The following SLC25A23 variants were observed in gnomAD, a reference collection of about 807,000 sequenced individuals.
SLC25A23 encodes the protein solute carrier family 25 member 23.
In SLC25A23, 32 loss-of-function variants were observed where a neutral mutation model predicts 53.9. That is an observed-to-expected ratio of 0.59 (90% CI 0.45 to 0.80). SLC25A23 has a LOEUF of 0.80. Among genes scored for constraint, SLC25A23 ranks in the 30% least tolerant of loss-of-function variants. SLC25A23 has a pLI of 0.00. For missense variants in SLC25A23, 575 were observed against 651.4 expected (o/e 0.88, Z 1.28); for synonymous variants, 275 against 264.5 (o/e 1.04, Z -0.38).
At position 6,459,792 on chromosome 19, in the gene SLC25A23, C is replaced by T; in HGVS notation, c.-164G>A. 1 of 506,100 alleles carries T rather than the reference C, an allele frequency of 2.0e-6. No homozygotes were observed. The highest frequency in any genetic ancestry group is 2.9e-6 in the Non-Finnish European group (1 of 342,158). 31.4% of individuals were successfully genotyped at this position (506,100 alleles called of 1,614,324 possible). On this transcript the variant is annotated 5_prime_UTR_variant, in exon 1 of 10. Transcript: ENST00000301454. The surrounding 1 kb of genome is among the most constrained non-coding windows in gnomAD (Gnocchi z 4.6). ...CTCTGGCACTTGCGGGAGGTGGTGA[C>T]GGCTAGCCGTCGCCGCCCGCGCCAG...
intron 4 of SLC25A23, chr19:6,456,063 T>C (rs1355445241): frequency 3.0e-6 from 4 of 1,339,680 alleles, no homozygotes; most frequent in South Asian, 2.5e-5. Context: ...TAGAATCTTT[T>C]ATCCAGGCAG....
chr19:6,459,732 C>T lies in SLC25A23; in HGVS notation c.-104G>A. On this transcript the variant is annotated 5_prime_UTR_variant, in exon 1 of 10. Coordinates refer to ENST00000301454, the MANE Select transcript of SLC25A23 (RefSeq NM_024103.3). The surrounding 1 kb of genome is among the most constrained non-coding windows in gnomAD (Gnocchi z 4.6). Reference sequence around the variant, plus strand: ...GACCCCGCAGGGTCAGCTCCCGCGGCCGCCGGCTCCGCAGCCTCCGCGCAG... The same window carrying T: ...GACCCCGCAGGGTCAGCTCCCGCGGTCGCCGGCTCCGCAGCCTCCGCGCAG... The T allele has an allele frequency of 1.0e-6, 1 of 978,722 alleles. No individual in the cohort carries two copies. The highest frequency in any genetic ancestry group is 1.3e-6 in the Non-Finnish European group (1 of 767,474). The allele number at this position is 978,722 out of a possible 1,614,324, so 60.6% of individuals were successfully genotyped here. A position where few individuals can be genotyped will look rare whatever the true frequency, so the allele number is the denominator to read the frequency against.
At chr19:6,449,570 A>G (rs949231931) in intron 8 of SLC25A23, among the ~76,000 whole-genome samples, 2 of 151,992 alleles carry the variant, frequency 1.3e-5, no homozygotes, top group African/African-American at 4.8e-5. Flanking sequence ...GCCCGCCACC[A>G]TGCCTGGCTA....
Position 6,459,374 on chromosome 19 carries a change from C to T in SLC25A23, c.156+99G>A. ...AGACACAGGTTCTGGAGTCCAGCCACAGGTAGTCCCTGGTGGCTCCGGCCG... is the reference window on the plus strand; with the variant it reads ...AGACACAGGTTCTGGAGTCCAGCCATAGGTAGTCCCTGGTGGCTCCGGCCG... On this transcript the variant is annotated intron_variant, in intron 1 of 9. Transcript: ENST00000301454. This position sits in a 1 kb window ranked among gnomAD's most constrained non-coding sequence, Gnocchi z 4.6. 1 of 1,044,084 alleles carries T rather than the reference C, an allele frequency of 9.6e-7. No homozygotes were observed. The highest frequency in any genetic ancestry group is 1.3e-6 in the Non-Finnish European group (1 of 756,974). 64.7% of individuals were successfully genotyped at this position (1,044,084 alleles called of 1,614,324 possible).
rs60420597 is a variant in SLC25A23, at chr19:6,449,418, A to AT, written c.1071+2893dup. Among the ~76,000 whole-genome samples the AT allele has an allele frequency of 3.9e-3, 536 of 135,952 alleles. 2 individuals carry two copies. The highest frequency in any genetic ancestry group is 8.3e-3 in the African/African-American group (311 of 37,498). 89.2% of individuals were successfully genotyped at this position (135,952 alleles called of 152,430 possible). A position where few individuals can be genotyped will look rare whatever the true frequency, so the allele number is the denominator to read the frequency against. ...CAGGTGTGCACCACCACACCTGGCTATTTTTTTTTTTTTTGAGACAGAGTC... is the reference window on the plus strand; with the variant it reads ...CAGGTGTGCACCACCACACCTGGCTATTTTTTTTTTTTTTTGAGACAGAGTC... On this transcript the variant is annotated intron_variant, in intron 8 of 9. Coordinates refer to ENST00000301454, the MANE Select transcript of SLC25A23 (RefSeq NM_024103.3).
chr19:6,451,367 C>T (rs909709140), intron 8 of SLC25A23, among the ~76,000 whole-genome samples: 16 of 151,996 alleles, frequency 1.1e-4, no homozygotes, highest in African/African-American at 3.4e-4. Context: ...CCAGCCTGGG[C>T]GACAAGAGCG....
chr19:6,438,024 G>A (rs111639246), downstream of SLC25A23, among the ~76,000 whole-genome samples: 581 of 142,756 alleles, frequency 4.1e-3, 3 homozygotes, highest in Non-Finnish European at 4.1e-3. Flanking sequence ...GCAGTGAGCC[G>A]AGATCGTGCC....
Position 6,452,325 on chromosome 19 carries a change from A to C in SLC25A23, c.1058T>G (p.Leu353Arg), listed in dbSNP as rs1798904010. 6.2e-7 allele frequency: 1 copy of C among 1,612,504 alleles called. No individual in the cohort carries two copies. Among genetic ancestry groups the C allele is most frequent in the Non-Finnish European group, 8.5e-7 (1 of 1,179,386 alleles). Reference protein sequence around the residue: ...LGIIPYAGIDLAVYETLKNWW... With the variant: ...LGIIPYAGIDRAVYETLKNWW... ...CTGCCCACAGACCTCGTAGACGGCC[A>C]GGTCGATGCCCGCATAGGGGATGAT... Residue 353 changes from leucine (L) to arginine (R), a missense_variant, in exon 8 of 10, where the codon CTG (leucine) becomes CGG (arginine). Physicochemically the swap from Leu to Arg is moderately radical, Grantham distance 102 (BLOSUM62 -2). Transcript: ENST00000301454.
chr19:6,446,893 T>C (rs2092512869), intron 8 of SLC25A23, among the ~76,000 whole-genome samples: 1 of 152,038 alleles, frequency 6.6e-6, no homozygotes, highest in Non-Finnish European at 1.5e-5. Flanking sequence ...ATGACTGGTG[T>C]CCGTAGAGGA....
At chr19:6,446,955 A>G (rs1247884402) in intron 8 of SLC25A23, among the ~76,000 whole-genome samples, 1 of 152,094 alleles carries the variant, frequency 6.6e-6, no homozygotes, top group Non-Finnish European at 1.5e-5. Flanking sequence ...GCGGAGGCAG[A>G]GATTTGAGTG....
chr19:6,436,186 T>A, downstream of SLC25A23: 1 of 264,908 alleles, frequency 3.8e-6, no homozygotes, highest in Admixed American at 4.1e-5. Flanking sequence ...CTCACCCATA[T>A]TCTGAGCATT....
At chr19:6,443,401 T>G (rs2092453343) in intron 9 of SLC25A23, among the ~76,000 whole-genome samples, 1 of 152,166 alleles carries the variant, frequency 6.6e-6, no homozygotes. Context: ...TATTTCTTCA[T>G]TTTTTAAAAA....
chr19:6,458,948 G>C (rs1211418617), intron 1 of SLC25A23, among the ~76,000 whole-genome samples: 6 of 152,332 alleles, frequency 3.9e-5, no homozygotes, highest in East Asian at 1.9e-4. Context: ...CTTGTTATAG[G>C]TGCATTCCCA....
chr19:6,456,238 T>C, intron 4 of SLC25A23, 182 bp downstream of exon 4: 1 of 976,264 alleles, frequency 1.0e-6, no homozygotes, highest in Non-Finnish European at 1.5e-6. Context: ...ATGTCCCAAA[T>C]GGGACCCTTG....
chr19:6,453,524 G>A (rs1315610711), intron 7 of SLC25A23, among the ~76,000 whole-genome samples: 1 of 152,132 alleles, frequency 6.6e-6, no homozygotes, highest in Non-Finnish European at 1.5e-5. Flanking sequence ...ACAGGCGCTA[G>A]ACATCGCACC....
downstream of SLC25A23, among the ~76,000 whole-genome samples, chr19:6,439,714 C>T (rs2092391580): frequency 6.6e-6 from 1 of 151,778 alleles, no homozygotes; most frequent in Admixed American, 6.6e-5. Flanking sequence ...CCTGTAATCC[C>T]AGCTACTCAG....
chr19:6,442,054 A>G lies in SLC25A23; in HGVS notation c.1328T>C (p.Met443Thr). Residue 443 changes from methionine (M) to threonine (T), a missense_variant, in exon 10 of 10, where the codon ATG (methionine) becomes ACG (threonine). By Grantham distance (81) the Met-to-Thr change is moderately conservative. Coordinates refer to ENST00000301454, the MANE Select transcript of SLC25A23 (RefSeq NM_024103.3). ...GATGCTCACAGCTGGAATAACCTTC[A>G]TGAAGTTGGGGGCGATCCCCCGGTA... ...GLYRGIAPNFMKVIPAVSISY... is the reference protein window; with the variant it reads ...GLYRGIAPNFTKVIPAVSISY... The G allele has an allele frequency of 6.2e-7, 1 of 1,612,038 alleles. No homozygotes were observed. Among genetic ancestry groups the G allele is most frequent in the Non-Finnish European group, 8.5e-7 (1 of 1,178,834 alleles).
intron 9 of SLC25A23, among the ~76,000 whole-genome samples, chr19:6,442,518 C>T (rs973650361): frequency 3.3e-5 from 5 of 152,100 alleles, no homozygotes; most frequent in African/African-American, 9.7e-5. Context: ...CCTTGGTGCT[C>T]CAGTCTAAGT....
Position 6,454,495 on chromosome 19 carries a change from C to G in SLC25A23, c.643-20G>C. The stretch of plus-strand genomic sequence containing the variant: ...ATGGACCTGAATGGGGAGACAACAG[C>G]TTGGAGGTCCCCTCCCAGGTGTCAG... On this transcript the variant is annotated intron_variant, in intron 5 of 9. Coordinates refer to ENST00000301454, the MANE Select transcript of SLC25A23 (RefSeq NM_024103.3). This position sits in a 1 kb window ranked among gnomAD's most constrained non-coding sequence, Gnocchi z 4.3. 6.2e-7 allele frequency: 1 copy of G among 1,613,712 alleles called. No individual in the cohort carries two copies. The highest frequency in any genetic ancestry group is 8.5e-7 in the Non-Finnish European group (1 of 1,179,860).
Sources: allele counts gnomAD v4.1 joint callset (sites outside exome capture counted in the v4.1 genomes callset), GRCh38; gene constraint gnomAD v4.1.1; non-coding constraint Gnocchi (gnomAD v3.1); transcripts MANE v1.5; gene names NCBI Gene and HGNC (gene_info 2026-07-23, HGNC 2026-07-21).